Variants in SUPT20H observed in about 807,000 individuals in gnomAD.
SUPT20H encodes the protein SPT20 homolog, SAGA complex component.
In SUPT20H, 82 loss-of-function variants were observed where a neutral mutation model predicts 122.8. The ratio of observed to expected loss-of-function variants is 0.67; its 90% CI spans 0.56 to 0.80. The LOEUF is 0.80. Ranked by LOEUF, SUPT20H falls within the 30% of genes least tolerant of loss-of-function variation. SUPT20H has a pLI of 0.00. For missense variants in SUPT20H, 831 were observed against 921.6 expected, an observed-to-expected ratio of 0.90 and a Z score of 1.27; for synonymous variants, 291 against 313.0, an observed-to-expected ratio of 0.93 and a Z score of 0.74.
intron 2 of SUPT20H, among the ~76,000 whole-genome samples, chr13:37,049,171 C>T (rs1240731202): frequency 2.0e-5 from 3 of 152,028 alleles, no homozygotes; most frequent in African/African-American, 7.2e-5. Flanking sequence ...TTCTGCATAA[C>T]ATTAAGACAG....
At chr13:37,027,669 G>A (rs1394830316) in intron 14 of SUPT20H, among the ~76,000 whole-genome samples, 1 of 151,964 alleles carries the variant, frequency 6.6e-6, no homozygotes, top group Admixed American at 6.5e-5. Context: ...CCAAATATAT[G>A]TAGTTCATAC....
chr13:37,032,874 T>C (rs1026302105), intron 10 of SUPT20H, among the ~76,000 whole-genome samples: 3 of 152,224 alleles, frequency 2.0e-5, no homozygotes, highest in African/African-American at 7.2e-5. Flanking sequence ...TAGGTGTGCC[T>C]GGATTCAGTT....
chr13:37,017,442 T>C, intron 22 of SUPT20H, 78 bp from the exon 23 acceptor site: 1 of 1,392,842 alleles, frequency 7.2e-7, no homozygotes, highest in Non-Finnish European at 9.6e-7. Context: ...TACAAATATT[T>C]TTGGATCATT....
Position 37,028,265 on chromosome 13 carries a change from G to T in SUPT20H, c.1034C>A (p.Thr345Asn). 5 of 1,612,940 alleles carry T rather than the reference G, an allele frequency of 3.1e-6. No individual in the cohort carries two copies. Among genetic ancestry groups the T allele is most frequent in the Non-Finnish European group, 4.2e-6 (5 of 1,179,586 alleles). The change falls in exon 14 of 26, where the codon ACT becomes AAT. Residue 345 changes from threonine to asparagine, a missense_variant. By Grantham distance (65) the Thr-to-Asn change is moderately conservative. Coordinates refer to ENST00000350612, the MANE Select transcript of SUPT20H (RefSeq NM_001014286.3). The part of the protein sequence containing the change: ...DDYVFECEAG[T>N]QYQKTKLTIL... The stretch of plus-strand genomic sequence containing the variant: ...GGTCAGCTTTGTTTTCTGATACTGA[G>T]TACCAGCTTCACATTCAAATACATA...
At chr13:37,058,988 G>C (rs971734598) in intron 1 of SUPT20H, among the ~76,000 whole-genome samples, 4 of 152,096 alleles carry the variant, frequency 2.6e-5, no homozygotes, top group African/African-American at 9.7e-5. Context: ...AAGAAGACGC[G>C]GCCCCCACTA....
intron 12 of SUPT20H, among the ~76,000 whole-genome samples, chr13:37,031,210 T>C (rs1435309218): frequency 1.3e-5 from 2 of 152,092 alleles, no homozygotes; most frequent in African/African-American, 4.8e-5. Flanking sequence ...AAACAAGCAC[T>C]ATTAGGAAAT....
chr13:37,039,587 A>G (rs1288098897), intron 9 of SUPT20H: 1 of 152,158 alleles, frequency 6.6e-6, no homozygotes, highest in African/African-American at 2.4e-5. Flanking sequence ...CTGCACCACA[A>G]TGCCTCTACT....
intron 2 of SUPT20H, among the ~76,000 whole-genome samples, chr13:37,049,792 T>C (rs1274584429): frequency 6.6e-6 from 1 of 152,070 alleles, no homozygotes; most frequent in Non-Finnish European, 1.5e-5. Flanking sequence ...ATACCACCAG[T>C]GGTTTTCTTT....
intron 1 of SUPT20H, among the ~76,000 whole-genome samples, chr13:37,058,021 T>C (rs1366429574): frequency 6.8e-6 from 1 of 146,452 alleles, no homozygotes; most frequent in Non-Finnish European, 1.5e-5. Context: ...CTCAGGCCTG[T>C]AAGAGGCAGA....
chr13:37,028,002 A>G (rs1190621946), intron 14 of SUPT20H, 146 bp downstream of exon 14: 2 of 666,156 alleles, frequency 3.0e-6, no homozygotes, highest in East Asian at 6.6e-5. Flanking sequence ...ACTTAGGTCT[A>G]CCGCCAAATC....
intron 25 of SUPT20H, 77 bp from the exon 26 acceptor site, chr13:37,009,886 A>C (rs2059288290): frequency 3.3e-6 from 5 of 1,531,026 alleles, no homozygotes; most frequent in Non-Finnish European, 4.4e-6. Flanking sequence ...TGAGTGACGA[A>C]ACAACACAAC....
rs760465730 is a variant in SUPT20H at position 37,021,485 on chromosome 13, A to G, written c.1779T>C (p.Asn593=). The stretch of plus-strand genomic sequence containing the variant: ...CTGCCTGCATTGCACTGGGCAGTGC[A>G]TTTGGTAGCAGACCTCCTGAGGGTA... ...GLLPSGGLLP[N]ALPSAMQAAS... The change falls in exon 21 of 26, where the codon AAT becomes AAC. Residue 593 remains asparagine (N), a synonymous_variant. Transcript: ENST00000350612. 515 of 1,613,950 alleles carry G rather than the reference A, an allele frequency of 3.2e-4. No individual in the cohort carries two copies. The highest frequency in any genetic ancestry group is 1.2e-3 in the Middle Eastern group (7 of 6,036).
chr13:37,020,519 C>T (rs141428765), intron 21 of SUPT20H, among the ~76,000 whole-genome samples: 1,752 of 152,170 alleles, frequency 0.012, 18 homozygotes, highest in Non-Finnish European at 0.016. Flanking sequence ...CAACTGAAGC[C>T]ACATGTAACT....
intron 2 of SUPT20H, among the ~76,000 whole-genome samples, chr13:37,049,093 G>T (rs952280221): frequency 3.0e-4 from 46 of 152,066 alleles, no homozygotes; most frequent in African/African-American, 1.1e-3. Context: ...TGCCTAGAAA[G>T]AATAAATGAT....
At chr13:37,054,489 A>T (rs2068492493) in intron 1 of SUPT20H, among the ~76,000 whole-genome samples, 2 of 152,242 alleles carry the variant, frequency 1.3e-5, no homozygotes, top group African/African-American at 4.8e-5. Flanking sequence ...AACGTAATCC[A>T]GCATATGAAC....
In SUPT20H at chr13:37,044,015, G is replaced by T. The variant is rs567734624; in HGVS notation, c.396+63C>A. On this transcript the variant is annotated intron_variant, in intron 7 of 25. Coordinates refer to ENST00000350612, the MANE Select transcript of SUPT20H (RefSeq NM_001014286.3). ...TATATGTATACATACATAAAAATGT[G>T]ACATATATATATCATATACATATAA... The T allele has an allele frequency of 9.5e-5, 94 of 991,682 alleles. No individual in the cohort carries two copies. In the South Asian group the frequency reaches 1.2e-3, roughly 13 times the overall value. 61.4% of individuals were successfully genotyped at this position (991,682 alleles called of 1,614,324 possible). A position where few individuals can be genotyped will look rare whatever the true frequency, so the allele number is the denominator to read the frequency against.
intron 24 of SUPT20H, among the ~76,000 whole-genome samples, chr13:37,011,955 G>C (rs751709137): frequency 1.6e-4 from 24 of 152,100 alleles, no homozygotes; most frequent in Non-Finnish European, 2.9e-4. Context: ...TATTTTGCCA[G>C]TAAACTGTAA....
At chr13:37,015,332 G>A (rs1335875738) in intron 23 of SUPT20H, among the ~76,000 whole-genome samples, 1 of 150,684 alleles carries the variant, frequency 6.6e-6, no homozygotes, top group African/African-American at 2.4e-5. Flanking sequence ...AAAAAAATGG[G>A]CAAGGGACCC....
intron 7 of SUPT20H, among the ~76,000 whole-genome samples, chr13:37,043,096 AT>A (rs147176047): frequency 0.074 from 11,276 of 152,232 alleles, 1,422 homozygotes; most frequent in African/African-American, 0.26. Context: ...TGCATTCTGC[AT>A]TTAATAGAGA....
Sources: gnomAD v4.1 joint callset for allele counts (sites outside exome capture counted in the v4.1 genomes callset) on GRCh38, gnomAD v4.1.1 for gene constraint, MANE v1.5 for transcripts, NCBI Gene and HGNC (gene_info 2026-07-23, HGNC 2026-07-21) for gene names.